The following LRP1B variants were observed in gnomAD, a reference collection of about 807,000 sequenced individuals.
LRP1B encodes low-density lipoprotein receptor-related protein 1B.
Under a neutral mutation model 556.6 loss-of-function variants are expected in LRP1B, and 217 were observed. The observed-to-expected ratio is 0.39, with a 90% CI of 0.35 to 0.44. The LOEUF (loss-of-function observed/expected upper bound fraction) is 0.44, where lower values mean the gene tolerates loss of function less well. Ranked by LOEUF, LRP1B falls within the 20% of genes least tolerant of loss-of-function variation. The pLI, the probability that LRP1B is intolerant of heterozygous loss-of-function variation, is 1.00. For missense variants in LRP1B, 5,053 were observed against 5,620.8 expected, an observed-to-expected ratio of 0.90 and a Z score of 3.23; for synonymous variants, 2,047 against 1,865.8, an observed-to-expected ratio of 1.10 and a Z score of -2.50.
chr2:141,308,298 G>A (rs1391722346), intron 3 of LRP1B, among the ~76,000 whole-genome samples: 2 of 152,010 alleles, frequency 1.3e-5, no homozygotes, highest in Non-Finnish European at 2.9e-5. Flanking sequence ...AGATAAATTG[G>A]GTCTTGATGG....
intron 7 of LRP1B, among the ~76,000 whole-genome samples, chr2:141,135,846 T>A (rs73962820): frequency 0.086 from 12,999 of 151,858 alleles, 966 homozygotes; most frequent in African/African-American, 0.2. Flanking sequence ...CACTGTCAGT[T>A]GATGTGTGCT....
chr2:140,465,004 A>G (rs1687484198), intron 60 of LRP1B, among the ~76,000 whole-genome samples: 1 of 152,228 alleles, frequency 6.6e-6, no homozygotes, highest in Admixed American at 6.5e-5. Flanking sequence ...CTACAAATAA[A>G]TACCTGAGAC....
chr2:141,538,025 T>C (rs1356783256), intron 2 of LRP1B, among the ~76,000 whole-genome samples: 1 of 152,186 alleles, frequency 6.6e-6, no homozygotes, highest in African/African-American at 2.4e-5. Flanking sequence ...CTCTTAGTGT[T>C]TTATTTTTCT....
chr2:140,514,627 T>G (rs753538668), intron 51 of LRP1B, 26 bp downstream of exon 51: 5 of 1,590,744 alleles, frequency 3.1e-6, no homozygotes, highest in African/African-American at 1.3e-5. Context: ...TAAAAACTGA[T>G]TGAGGACAGA....
chr2:140,532,731 T>C (rs2104989513), intron 47 of LRP1B, among the ~76,000 whole-genome samples: 1 of 152,042 alleles, frequency 6.6e-6, no homozygotes, highest in Middle Eastern at 3.4e-3. Flanking sequence ...GTAATCTGTC[T>C]GTGACTATAT....
intron 71 of LRP1B, among the ~76,000 whole-genome samples, chr2:140,367,124 A>C (rs1476611414): frequency 1.3e-5 from 2 of 151,720 alleles, no homozygotes; most frequent in Non-Finnish European, 2.9e-5. Context: ...ATGTTGAAAA[A>C]TGCTCATGAT....
chr2:141,073,497 C>A (rs1013176198), intron 7 of LRP1B, among the ~76,000 whole-genome samples: 2 of 152,054 alleles, frequency 1.3e-5, no homozygotes, highest in Non-Finnish European at 2.9e-5. Context: ...AATCTTAGAA[C>A]TCTCTCATAG....
intron 59 of LRP1B, among the ~76,000 whole-genome samples, chr2:140,481,610 T>TATTATTATTATTATC (rs1553472258): frequency 4.1e-5 from 6 of 147,698 alleles, no homozygotes; most frequent in African/African-American, 1.2e-4. Context: ...TTATTATTAT[T>TATTATTATTATTATC]ATTATTATTA....
At chr2:140,993,856 G>T in intron 16 of LRP1B, 139 bp downstream of exon 16, 2 of 802,958 alleles carry the variant, frequency 2.5e-6, no homozygotes, top group South Asian at 1.8e-5. Flanking sequence ...TACTCTTTAT[G>T]CAAAAGGATG....
At chr2:142,060,975 G>A (rs144435974) in intron 1 of LRP1B, among the ~76,000 whole-genome samples, 3 of 151,930 alleles carry the variant, frequency 2.0e-5, no homozygotes, top group Non-Finnish European at 4.4e-5. Context: ...AGCTTTTAAG[G>A]AAACAGGAGT....
At chr2:141,328,743 A>G (rs1013126107) in intron 3 of LRP1B, among the ~76,000 whole-genome samples, 3 of 152,204 alleles carry the variant, frequency 2.0e-5, no homozygotes, top group Non-Finnish European at 4.4e-5. Context: ...GTTGCCAGTC[A>G]TTTGTCAGTG....
intron 6 of LRP1B, among the ~76,000 whole-genome samples, chr2:141,192,073 TTAA>T (rs1469815257): frequency 6.6e-6 from 1 of 151,962 alleles, no homozygotes; most frequent in Non-Finnish European, 1.5e-5. Flanking sequence ...ACTACAGAAC[TTAA>T]TAATAAGCCA....
At chr2:141,328,822 G>GCAAT (rs1384361258) in intron 3 of LRP1B, among the ~76,000 whole-genome samples, 1 of 152,146 alleles carries the variant, frequency 6.6e-6, no homozygotes, top group African/African-American at 2.4e-5. Context: ...CTGAGGAGAA[G>GCAAT]CAATCAGATT....
chr2:141,467,540 TG>T (rs766187146), intron 3 of LRP1B, among the ~76,000 whole-genome samples: 3 of 152,098 alleles, frequency 2.0e-5, no homozygotes, highest in Non-Finnish European at 4.4e-5. Context: ...TAGGTGAGTT[TG>T]GTTTCAGTCC....
At chr2:140,555,860 A>G (rs1275713439) in intron 43 of LRP1B, among the ~76,000 whole-genome samples, 1 of 152,078 alleles carries the variant, frequency 6.6e-6, no homozygotes, top group African/African-American at 2.4e-5. Context: ...GAAAAGTTCT[A>G]CTAAGGGTAC....
intron 1 of LRP1B, among the ~76,000 whole-genome samples, chr2:141,863,418 G>C (rs1277629724): frequency 2.0e-5 from 3 of 152,094 alleles, no homozygotes; most frequent in Non-Finnish European, 4.4e-5. Flanking sequence ...AATGCCAAAG[G>C]AAATTCTTTA....
intron 1 of LRP1B, among the ~76,000 whole-genome samples, chr2:142,030,956 C>T (rs1559032607): frequency 1.3e-5 from 2 of 151,826 alleles, no homozygotes; most frequent in African/African-American, 2.4e-5. Context: ...CAGCTGATGT[C>T]GCAATTTTGT....
intron 1 of LRP1B, among the ~76,000 whole-genome samples, chr2:141,910,140 C>CA (rs3039375): frequency 0.34 from 43,958 of 131,140 alleles, 8,593 homozygotes; most frequent in Admixed American, 0.45. Context: ...GACTCCATCT[C>CA]AAAAAAAAAA....
intron 1 of LRP1B, among the ~76,000 whole-genome samples, chr2:141,990,354 T>A (rs1435608): frequency 0.86 from 131,422 of 152,124 alleles, 56,849 homozygotes; most frequent in East Asian, 0.95. Flanking sequence ...TATTAATCAT[T>A]TATGATATGA....
Sources: allele counts gnomAD v4.1 joint callset (sites outside exome capture counted in the v4.1 genomes callset), GRCh38; gene constraint gnomAD v4.1.1; transcripts MANE v1.5; gene names NCBI Gene and HGNC (gene_info 2026-07-23, HGNC 2026-07-21).